Variants in SLC9D1 observed in about 807,000 individuals in gnomAD.
The protein encoded by SLC9D1 is solute carrier family 9 member D1.
the SLC9D1 span, chr13:113,535,213 G>C: frequency 2.0e-5 from 3 of 152,264 alleles, no homozygotes; most frequent in Admixed American, 6.5e-5. The surrounding 1 kb of genome is among the most constrained non-coding windows in gnomAD (Gnocchi z 4.1). Flanking sequence ...GTTTTTAACT[G>C]TGTTGCTCAC....
chr13:113,539,611 C>A, the SLC9D1 span: 1 of 1,279,492 alleles, frequency 7.8e-7, no homozygotes. The surrounding 1 kb of genome is among the most constrained non-coding windows in gnomAD (Gnocchi z 4.8). Flanking sequence ...AAATGGTTAT[C>A]TTAAAAATTA....
chr13:113,538,906 C>T, the SLC9D1 span, among the ~76,000 whole-genome samples: 4 of 152,190 alleles, frequency 2.6e-5, no homozygotes, highest in Admixed American at 6.5e-5. Flanking sequence ...GCCGTGGACA[C>T]GCCGATGCTT....
At chr13:113,533,559 C>T in the SLC9D1 span, among the ~76,000 whole-genome samples, 1 of 152,190 alleles carries the variant, frequency 6.6e-6, no homozygotes, top group African/African-American at 2.4e-5. Context: ...ATATTCTAAA[C>T]AGAACATAGC....
the SLC9D1 span, among the ~76,000 whole-genome samples, chr13:113,518,383 C>T: frequency 1.3e-5 from 2 of 152,236 alleles, no homozygotes; most frequent in Non-Finnish European, 2.9e-5. Context: ...CATGGCCTAG[C>T]GGGCAACAGT....
chr13:113,522,156 A>G, the SLC9D1 span, among the ~76,000 whole-genome samples: 1 of 152,204 alleles, frequency 6.6e-6, no homozygotes, highest in South Asian at 2.1e-4. Flanking sequence ...CTTGGGAAGC[A>G]TTCAGTCTCT....
the SLC9D1 span, chr13:113,539,444 G>A: frequency 6.2e-7 from 1 of 1,613,656 alleles, no homozygotes; most frequent in South Asian, 1.1e-5. The surrounding 1 kb of genome is among the most constrained non-coding windows in gnomAD (Gnocchi z 4.8). Flanking sequence ...GGTCACCGAG[G>A]AGATCGCCAC....
At chr13:113,494,335 ACGGTCT>A in the SLC9D1 span, among the ~76,000 whole-genome samples, 3 of 150,906 alleles carry the variant, frequency 2.0e-5, no homozygotes, top group African/African-American at 7.3e-5. Flanking sequence ...CCTTCCTTCC[ACGGTCT>A]CGGTTTCCCA....
chr13:113,499,152 G>A, the SLC9D1 span, among the ~76,000 whole-genome samples: 8 of 152,318 alleles, frequency 5.3e-5, no homozygotes, highest in African/African-American at 1.7e-4. Context: ...AGTTGTCATG[G>A]CGCGGGTGGG....
At chr13:113,491,424 TGGGGCTCCCCTCTCTCCCTCCCC>T in the SLC9D1 span, among the ~76,000 whole-genome samples, 2 of 139,538 alleles carry the variant, frequency 1.4e-5, no homozygotes, top group African/African-American at 5.4e-5. Context: ...CCTCCCTCCC[TGGGGCTCCCCTCTCTCCCTCCCC>T]GGGGCTCCCA....
the SLC9D1 span, among the ~76,000 whole-genome samples, chr13:113,544,132 G>A: frequency 0.18 from 27,848 of 152,220 alleles, 3,377 homozygotes; most frequent in African/African-American, 0.34. Context: ...CTGCCTGCCC[G>A]GTGCAGCCGC....
the SLC9D1 span, among the ~76,000 whole-genome samples, chr13:113,524,668 C>T: frequency 6.5e-3 from 984 of 152,064 alleles, 8 homozygotes; most frequent in African/African-American, 0.023. Context: ...TTTTCCTTGC[C>T]GTGTAATTCA....
At chr13:113,505,695 T>C in the SLC9D1 span, 1 of 152,360 alleles carries the variant, frequency 6.6e-6, no homozygotes, top group Non-Finnish European at 1.5e-5. Context: ...AAATTTTCTA[T>C]AATAAGCAGT....
At chr13:113,549,637 A>G in the SLC9D1 span, 7 of 1,390,804 alleles carry the variant, frequency 5.0e-6, no homozygotes, top group South Asian at 1.2e-5. Flanking sequence ...CACCTTGGCA[A>G]CAGAACAGCC....
chr13:113,505,925 G>C, the SLC9D1 span: 1 of 152,182 alleles, frequency 6.6e-6, no homozygotes, highest in Non-Finnish European at 1.5e-5. Context: ...TCCCTTTCCT[G>C]TGTACACTCC....
chr13:113,497,130 C>T, the SLC9D1 span, among the ~76,000 whole-genome samples: 1 of 138,998 alleles, frequency 7.2e-6, no homozygotes, highest in Non-Finnish European at 1.6e-5. Context: ...AGCTGTGTGT[C>T]AAGTCTGCAG....
chr13:113,518,645 C>T, the SLC9D1 span, among the ~76,000 whole-genome samples: 1 of 152,206 alleles, frequency 6.6e-6, no homozygotes, highest in Middle Eastern at 3.4e-3. Context: ...TCCCGTCTTG[C>T]GAAGGCTGCG....
the SLC9D1 span, among the ~76,000 whole-genome samples, chr13:113,497,180 A>G: frequency 2.6e-5 from 4 of 151,332 alleles, no homozygotes; most frequent in Non-Finnish European, 5.9e-5. Flanking sequence ...GATAGGCCCC[A>G]GCTGTGTGCT....
chr13:113,542,903 G>A, the SLC9D1 span, among the ~76,000 whole-genome samples: 1,829 of 152,206 alleles, frequency 0.012, 48 homozygotes, highest in African/African-American at 0.04. Context: ...TGGGCCCCTT[G>A]TCGCAGGTGA....
At chr13:113,500,034 G>A in the SLC9D1 span, 221 of 1,593,034 alleles carry the variant, frequency 1.4e-4, no homozygotes, top group Admixed American at 4.5e-4. Flanking sequence ...ATAACAAAAC[G>A]AGAAGTGGAG....
Sources: gnomAD v4.1 joint callset for allele counts (sites outside exome capture counted in the v4.1 genomes callset) on GRCh38, gnomAD v4.1.1 for gene constraint, Gnocchi (gnomAD v3.1) non-coding constraint, MANE v1.5 for transcripts, NCBI Gene and HGNC (gene_info 2026-07-23, HGNC 2026-07-21) for gene names.